The following HS6ST3 variants were observed in gnomAD, a reference collection of about 807,000 sequenced individuals.
HS6ST3 encodes the protein heparan sulfate 6-O-sulfotransferase 3, also known as heparan-sulfate 6-O-sulfotransferase 3.
In HS6ST3, 12 loss-of-function variants were observed where a neutral mutation model predicts 36.7. That is an observed-to-expected ratio of 0.33 (90% CI 0.21 to 0.53). The LOEUF (loss-of-function observed/expected upper bound fraction) is 0.53, where lower values mean the gene tolerates loss of function less well. Ranked by LOEUF, HS6ST3 falls within the 20% of genes least tolerant of loss-of-function variation. HS6ST3 has a pLI of 0.95. For missense variants in HS6ST3, 584 were observed against 640.9 expected (o/e 0.91, Z 0.96); for synonymous variants, 240 against 257.5 (o/e 0.93, Z 0.65).
intron 1 of HS6ST3, among the ~76,000 whole-genome samples, chr13:96,679,979 T>C (rs931131075): frequency 4.0e-5 from 6 of 151,824 alleles, no homozygotes; most frequent in African/African-American, 1.2e-4. Context: ...GCAGAGGTGG[T>C]AGCAACGTGG....
At chr13:96,558,058 T>C (rs2056247961) in intron 1 of HS6ST3, among the ~76,000 whole-genome samples, 1 of 152,216 alleles carries the variant, frequency 6.6e-6, no homozygotes. Context: ...TGTGTAATTA[T>C]CGTTTTTCTT....
intron 1 of HS6ST3, among the ~76,000 whole-genome samples, chr13:96,265,048 C>T (rs890585265): frequency 6.6e-6 from 1 of 152,146 alleles, no homozygotes; most frequent in Non-Finnish European, 1.5e-5. Context: ...CAACTTACTT[C>T]CACTCCATTC....
intron 1 of HS6ST3, among the ~76,000 whole-genome samples, chr13:96,215,337 C>G (rs964818065): frequency 2.6e-5 from 4 of 152,190 alleles, no homozygotes; most frequent in Non-Finnish European, 4.4e-5. Flanking sequence ...CGAGACACAG[C>G]TTGGATAGCT....
At chr13:96,603,742 T>G (rs576567001) in intron 1 of HS6ST3, among the ~76,000 whole-genome samples, 1 of 152,314 alleles carries the variant, frequency 6.6e-6, no homozygotes, top group East Asian at 1.9e-4. Context: ...CATGTTATGA[T>G]GAAAACAAGA....
chr13:96,230,727 G>A (rs968193997), intron 1 of HS6ST3, among the ~76,000 whole-genome samples: 5 of 152,062 alleles, frequency 3.3e-5, no homozygotes, highest in African/African-American at 1.2e-4. Context: ...GAACTAAATT[G>A]CTTTTGGGGG....
chr13:96,444,996 G>A (rs1393309175), intron 1 of HS6ST3, among the ~76,000 whole-genome samples: 1 of 152,084 alleles, frequency 6.6e-6, no homozygotes, highest in African/African-American at 2.4e-5. Flanking sequence ...GTAAGTGGAA[G>A]GAGAAATTGT....
At chr13:96,334,335 C>G (rs1330173625) in intron 1 of HS6ST3, among the ~76,000 whole-genome samples, 1 of 152,130 alleles carries the variant, frequency 6.6e-6, no homozygotes, top group African/African-American at 2.4e-5. Context: ...AACTCAAACT[C>G]TATCTTGTTC....
chr13:96,464,833 A>T (rs1002283427), intron 1 of HS6ST3, among the ~76,000 whole-genome samples: 4 of 152,174 alleles, frequency 2.6e-5, no homozygotes, highest in African/African-American at 9.7e-5. Flanking sequence ...ATTTTAGATT[A>T]TAAAGGCAGG....
intron 1 of HS6ST3, among the ~76,000 whole-genome samples, chr13:96,495,937 C>T (rs763706560): frequency 3.9e-5 from 6 of 152,242 alleles, no homozygotes; most frequent in Non-Finnish European, 5.9e-5. Context: ...GCAAGACAGG[C>T]GTGAGCAGCA....
intron 1 of HS6ST3, among the ~76,000 whole-genome samples, chr13:96,453,709 C>G (rs555938925): frequency 2.8e-4 from 43 of 152,272 alleles, no homozygotes; most frequent in African/African-American, 9.6e-4. Context: ...ATTCAGAAAG[C>G]TTCAAAGTCA....
intron 1 of HS6ST3, among the ~76,000 whole-genome samples, chr13:96,223,017 T>C (rs2054463390): frequency 6.6e-6 from 1 of 152,234 alleles, no homozygotes; most frequent in African/African-American, 2.4e-5. Flanking sequence ...CATTTTGATT[T>C]GGAAATGGAA....
intron 1 of HS6ST3, among the ~76,000 whole-genome samples, chr13:96,375,642 T>C (rs1315729625): frequency 6.6e-6 from 1 of 152,204 alleles, no homozygotes; most frequent in Non-Finnish European, 1.5e-5. Context: ...TTATTGCTTA[T>C]TAATATCTCT....
At chr13:96,199,585 A>G (rs913018443) in intron 1 of HS6ST3, among the ~76,000 whole-genome samples, 4 of 152,170 alleles carry the variant, frequency 2.6e-5, no homozygotes, top group Non-Finnish European at 4.4e-5. Flanking sequence ...TTAAATATCT[A>G]TTGATTTTTT....
At chr13:96,244,984 A>G (rs923422239) in intron 1 of HS6ST3, among the ~76,000 whole-genome samples, 2 of 152,232 alleles carry the variant, frequency 1.3e-5, no homozygotes, top group Non-Finnish European at 2.9e-5. Flanking sequence ...CAGAAGGCAC[A>G]GCATGTACAA....
At chr13:96,813,849 G>A (rs1468590801) in intron 1 of HS6ST3, among the ~76,000 whole-genome samples, 2 of 152,134 alleles carry the variant, frequency 1.3e-5, no homozygotes, top group Admixed American at 6.5e-5. Context: ...AAGGTCAAAC[G>A]GATTCTACTC....
intron 1 of HS6ST3, among the ~76,000 whole-genome samples, chr13:96,209,669 C>T (rs2054389069): frequency 6.6e-6 from 1 of 152,170 alleles, no homozygotes; most frequent in South Asian, 2.1e-4. Context: ...TCTCATGCCA[C>T]CCACCCATCC....
intron 1 of HS6ST3, among the ~76,000 whole-genome samples, chr13:96,218,743 T>C (rs2055724460): frequency 6.6e-6 from 1 of 152,120 alleles, no homozygotes; most frequent in African/African-American, 2.4e-5. Flanking sequence ...TTTGCTGCTG[T>C]CCATCATTCA....
chr13:96,203,313 T>G (rs2054352715), intron 1 of HS6ST3, among the ~76,000 whole-genome samples: 1 of 152,150 alleles, frequency 6.6e-6, no homozygotes, highest in African/African-American at 2.4e-5. Flanking sequence ...AGCCGCGGCC[T>G]TCTCTCTGTG....
At chr13:96,524,896 G>T (rs767822370) in intron 1 of HS6ST3, among the ~76,000 whole-genome samples, 1 of 152,170 alleles carries the variant, frequency 6.6e-6, no homozygotes, top group Admixed American at 6.5e-5. Context: ...AGATGAACCA[G>T]GTACCTTAGA....
Sources: allele counts gnomAD v4.1 joint callset (sites outside exome capture counted in the v4.1 genomes callset), GRCh38; gene constraint gnomAD v4.1.1; transcripts MANE v1.5; gene names NCBI Gene and HGNC (gene_info 2026-07-23, HGNC 2026-07-21).